The following GPBP1 variants were observed in gnomAD, a reference collection of about 807,000 sequenced individuals.
The protein encoded by GPBP1 is GC-rich promoter binding protein 1.
In GPBP1, 13 loss-of-function variants were observed where a neutral mutation model predicts 56.5. That is an observed-to-expected ratio of 0.23 (90% confidence interval 0.15 to 0.37). GPBP1 has a LOEUF of 0.37. GPBP1 is among the 10% of genes least tolerant of loss of function. GPBP1 has a pLI of 1.00. For missense variants in GPBP1, 477 were observed against 572.3 expected, an observed-to-expected ratio of 0.83 and a Z score of 1.70; for synonymous variants, 204 against 188.9, an observed-to-expected ratio of 1.08 and a Z score of -0.66.
At chr5:57,218,365 A>G (rs548002094) in intron 3 of GPBP1, among the ~76,000 whole-genome samples, 5 of 152,292 alleles carry the variant, frequency 3.3e-5, no homozygotes, top group East Asian at 1.9e-4. Context: ...GGTCTGAACA[A>G]TTTGTTGGGA....
intron 2 of GPBP1, among the ~76,000 whole-genome samples, chr5:57,199,324 T>C (rs566269442): frequency 6.6e-6 from 1 of 152,300 alleles, no homozygotes; most frequent in Non-Finnish European, 1.5e-5. Flanking sequence ...TTATTAGTGT[T>C]AGAACTGGGA....
intron 2 of GPBP1, among the ~76,000 whole-genome samples, chr5:57,179,545 A>G (rs1244959848): frequency 1.3e-5 from 2 of 152,162 alleles, no homozygotes; most frequent in Admixed American, 1.3e-4. Context: ...GCCTGTTTCC[A>G]CAGGCATGGA....
intron 10 of GPBP1, among the ~76,000 whole-genome samples, chr5:57,253,178 C>T (rs982066255): frequency 5.3e-5 from 8 of 151,908 alleles, no homozygotes; most frequent in Admixed American, 4.6e-4. Flanking sequence ...AAATGACATA[C>T]CCTTACTGTA....
At chr5:57,180,516 A>G (rs927071709) in intron 2 of GPBP1, among the ~76,000 whole-genome samples, 1 of 152,182 alleles carries the variant, frequency 6.6e-6, no homozygotes, top group Non-Finnish European at 1.5e-5. Context: ...AGATCTATCA[A>G]TGTTTAGGTA....
At chr5:57,261,526 C>T (rs1741892082) in intron 11 of GPBP1, among the ~76,000 whole-genome samples, 1 of 152,174 alleles carries the variant, frequency 6.6e-6, no homozygotes, top group African/African-American at 2.4e-5. Context: ...AGGCAGGAAC[C>T]ACTGCACCTG....
chr5:57,177,762 A>G (rs1243012238), intron 2 of GPBP1, among the ~76,000 whole-genome samples: 2 of 147,580 alleles, frequency 1.4e-5, no homozygotes, highest in African/African-American at 2.5e-5. Flanking sequence ...TGGCTTCCCA[A>G]AGTGCTGGGA....
intron 2 of GPBP1, among the ~76,000 whole-genome samples, chr5:57,206,223 A>C (rs915909295): frequency 6.6e-6 from 1 of 151,750 alleles, no homozygotes; most frequent in Non-Finnish European, 1.5e-5. Context: ...ACATGTTTTA[A>C]ATTTTCATGA....
chr5:57,178,720 T>C (rs1316958575), intron 2 of GPBP1, among the ~76,000 whole-genome samples: 1 of 152,252 alleles, frequency 6.6e-6, no homozygotes, highest in Admixed American at 6.5e-5. Context: ...TTGAACGTTT[T>C]GACAGATATT....
chr5:57,221,467 G>C, intron 3 of GPBP1: 2 of 921,014 alleles, frequency 2.2e-6, no homozygotes, highest in Middle Eastern at 2.3e-4. Context: ...CATTTGTTAT[G>C]CTAGGAAGGA....
At chr5:57,177,761 A>G (rs1156576223) in intron 2 of GPBP1, among the ~76,000 whole-genome samples, 3 of 146,394 alleles carry the variant, frequency 2.0e-5, no homozygotes, top group African/African-American at 7.7e-5. Flanking sequence ...TTGGCTTCCC[A>G]AAGTGCTGGG....
intron 10 of GPBP1, among the ~76,000 whole-genome samples, chr5:57,253,462 T>A (rs1741483079): frequency 6.6e-6 from 1 of 152,206 alleles, no homozygotes; most frequent in Non-Finnish European, 1.5e-5. Flanking sequence ...GGGTTATATC[T>A]CCTCTTGGAT....
intron 2 of GPBP1, among the ~76,000 whole-genome samples, chr5:57,193,633 A>AC (rs1480972361): frequency 6.6e-6 from 1 of 151,394 alleles, no homozygotes; most frequent in African/African-American, 2.4e-5. Flanking sequence ...AAAAAAAAAA[A>AC]AAACTATGAA....
intron 2 of GPBP1, among the ~76,000 whole-genome samples, chr5:57,196,462 C>A (rs1362426624): frequency 6.6e-6 from 1 of 152,144 alleles, no homozygotes; most frequent in Non-Finnish European, 1.5e-5. Context: ...CCTTAGTGCA[C>A]CTTTGTTTTC....
At chr5:57,208,025 T>C (rs969094559) in intron 2 of GPBP1, among the ~76,000 whole-genome samples, 1 of 152,026 alleles carries the variant, frequency 6.6e-6, no homozygotes, top group African/African-American at 2.4e-5. Flanking sequence ...GGCAGAGTGG[T>C]CTTGGGAAAT....
intron 6 of GPBP1, among the ~76,000 whole-genome samples, chr5:57,238,254 G>A (rs1425082740): frequency 6.6e-6 from 1 of 152,162 alleles, no homozygotes; most frequent in Non-Finnish European, 1.5e-5. Context: ...TTAGTGTGCA[G>A]TTGAGTTGAG....
At chr5:57,221,934 G>C (rs562844578) in intron 3 of GPBP1, among the ~76,000 whole-genome samples, 2 of 152,264 alleles carry the variant, frequency 1.3e-5, no homozygotes, top group East Asian at 3.9e-4. Context: ...CTGTGGAGAA[G>C]GTTTACTGTG....
At chr5:57,239,355 G>A (rs1019028012) in intron 6 of GPBP1, among the ~76,000 whole-genome samples, 3 of 152,150 alleles carry the variant, frequency 2.0e-5, no homozygotes, top group South Asian at 2.1e-4. Flanking sequence ...TATGAATAAC[G>A]TTGAGAGCCC....
At chr5:57,183,749 T>C (rs1246775193) in intron 2 of GPBP1, among the ~76,000 whole-genome samples, 1 of 150,248 alleles carries the variant, frequency 6.7e-6, no homozygotes, top group Non-Finnish European at 1.5e-5. Context: ...TATTTTTTAA[T>C]ACGGGGGGGA....
intron 9 of GPBP1, 147 bp downstream of exon 9, chr5:57,249,723 C>A: frequency 1.8e-6 from 1 of 543,624 alleles, no homozygotes; most frequent in Non-Finnish European, 3.1e-6. Context: ...TTGGCTTCTC[C>A]CCTCCTCTCT....
Sources: allele counts gnomAD v4.1 joint callset (sites outside exome capture counted in the v4.1 genomes callset), GRCh38; gene constraint gnomAD v4.1.1; transcripts MANE v1.5; gene names NCBI Gene and HGNC (gene_info 2026-07-23, HGNC 2026-07-21).